The following PARP8 variants were observed in gnomAD, a reference collection of about 807,000 sequenced individuals.
PARP8 encodes protein mono-ADP-ribosyltransferase PARP8.
In PARP8, 51 loss-of-function variants were observed where a neutral mutation model predicts 124.1. The ratio of observed to expected loss-of-function variants is 0.41; its 90% CI spans 0.33 to 0.52. The LOEUF is 0.52. Ranked by LOEUF, PARP8 falls within the 20% of genes least tolerant of loss-of-function variation. PARP8 has a pLI of 0.21. For missense variants in PARP8, 860 were observed against 1,018.9 expected, an observed-to-expected ratio of 0.84 and a Z score of 2.12; for synonymous variants, 391 against 361.5, an observed-to-expected ratio of 1.08 and a Z score of -0.93.
At chr5:50,687,310 A>G (rs1168324488) in intron 2 of PARP8, among the ~76,000 whole-genome samples, 1 of 152,170 alleles carries the variant, frequency 6.6e-6, no homozygotes, top group Non-Finnish European at 1.5e-5. Flanking sequence ...CCAGTCCCCA[A>G]CAAGTTTCTC....
chr5:50,691,419 G>A (rs1259170395), intron 2 of PARP8, among the ~76,000 whole-genome samples: 1 of 152,172 alleles, frequency 6.6e-6, no homozygotes, highest in African/African-American at 2.4e-5. Context: ...CCTTTTGGAA[G>A]TGCGCTCCTC....
chr5:50,844,654 C>A lies in PARP8; in HGVS notation c.*2586C>A, dbSNP rs1297631365. ...GTAATGGTTTTATTAATTGTGTAGC[C>A]ATTGCTACTTAGATAGTAACCCACT... On this transcript the variant is annotated 3_prime_UTR_variant, in exon 26 of 26. Transcript: ENST00000281631. 1 of 151,682 alleles carries A rather than the reference C, an allele frequency of 6.6e-6. No individual in the cohort carries two copies. Among genetic ancestry groups the A allele is most frequent in the African/African-American group, 2.4e-5 (1 of 41,330 alleles). 9.4% of individuals were successfully genotyped at this position (151,682 alleles called of 1,614,324 possible). A position where few individuals can be genotyped will look rare whatever the true frequency, so the allele number is the denominator to read the frequency against.
chr5:50,807,841 C>A (rs929006345), intron 14 of PARP8, among the ~76,000 whole-genome samples: 1 of 152,058 alleles, frequency 6.6e-6, no homozygotes, highest in African/African-American at 2.4e-5. Flanking sequence ...TGATCTCATT[C>A]TCTTCTCCTG....
intron 25 of PARP8, among the ~76,000 whole-genome samples, chr5:50,840,811 G>A (rs76405475): frequency 0.042 from 6,380 of 151,950 alleles, 428 homozygotes; most frequent in African/African-American, 0.15. Flanking sequence ...TAATTGGGCT[G>A]TGTACCACAT....
intron 2 of PARP8, among the ~76,000 whole-genome samples, chr5:50,715,498 A>G (rs531095018): frequency 2.0e-5 from 3 of 147,508 alleles, no homozygotes; most frequent in African/African-American, 8.1e-5. Flanking sequence ...GTGTCATGGT[A>G]TTCATGAGGA....
intron 2 of PARP8, among the ~76,000 whole-genome samples, chr5:50,705,912 G>A (rs192552254): frequency 2.0e-5 from 3 of 152,212 alleles, no homozygotes; most frequent in African/African-American, 7.2e-5. Context: ...CCATATGGAG[G>A]GTCAGTTAGA....
At chr5:50,685,902 A>G (rs1472651816) in intron 2 of PARP8, among the ~76,000 whole-genome samples, 3 of 152,168 alleles carry the variant, frequency 2.0e-5, no homozygotes, top group African/African-American at 7.2e-5. Context: ...CCATGATTCA[A>G]TTACTTCCCA....
intron 3 of PARP8, among the ~76,000 whole-genome samples, chr5:50,754,286 A>G (rs1759657086): frequency 6.6e-6 from 1 of 150,442 alleles, no homozygotes; most frequent in Admixed American, 6.6e-5. Context: ...GCACCCATTA[A>G]CTCATCATTT....
intron 17 of PARP8, among the ~76,000 whole-genome samples, chr5:50,823,112 G>C (rs1745952029): frequency 6.6e-6 from 1 of 152,192 alleles, no homozygotes; most frequent in Non-Finnish European, 1.5e-5. Flanking sequence ...GTGGTTTCAA[G>C]GATTGCACTG....
intron 9 of PARP8, 70 bp downstream of exon 9, chr5:50,778,720 G>A (rs540511054): frequency 1.3e-4 from 122 of 934,760 alleles, no homozygotes; most frequent in South Asian, 2.4e-4. Context: ...AGCAAAATGC[G>A]TGTTCATTTG....
chr5:50,696,069 A>G (rs1579989326), intron 2 of PARP8, among the ~76,000 whole-genome samples: 1 of 152,174 alleles, frequency 6.6e-6, no homozygotes, highest in Non-Finnish European at 1.5e-5. Flanking sequence ...GAGAGTAAAG[A>G]TTTTGCTTTT....
At chr5:50,719,707 A>G (rs1350924716) in intron 2 of PARP8, among the ~76,000 whole-genome samples, 1 of 152,034 alleles carries the variant, frequency 6.6e-6, no homozygotes, top group Non-Finnish European at 1.5e-5. Context: ...CCTGTGTTGT[A>G]GATTTTAAGA....
rs1282373409 is a variant in PARP8, at chr5:50,686,796, A to G, written c.146+18671A>G. On this transcript the variant is annotated intron_variant, in intron 2 of 25. Transcript: ENST00000281631. ...ACCCTCTGAAGCAACAGCCTGAGCT[A>G]TACCTTGGGTCCTTTCAGTCAGGGT... 2.0e-5 allele frequency among the ~76,000 whole-genome samples: 3 copies of G among 152,180 alleles called. No homozygotes were observed. The East Asian group carries it at 5.8e-4, about 29-fold the overall frequency.
chr5:50,788,372 C>T, intron 9 of PARP8, 151 bp from the exon 10 acceptor site: 1 of 550,986 alleles, frequency 1.8e-6, no homozygotes, highest in South Asian at 2.6e-5. Context: ...GTGCATATAG[C>T]ATAAATAGCA....
At chr5:50,699,060 A>G (rs1462680478) in intron 2 of PARP8, among the ~76,000 whole-genome samples, 2 of 152,190 alleles carry the variant, frequency 1.3e-5, no homozygotes, top group Non-Finnish European at 2.9e-5. Flanking sequence ...CAGTGGTGTC[A>G]TTGGGTTTTG....
At chr5:50,700,094 A>G (rs1475586853) in intron 2 of PARP8, among the ~76,000 whole-genome samples, 1 of 152,174 alleles carries the variant, frequency 6.6e-6, no homozygotes, top group Non-Finnish European at 1.5e-5. Flanking sequence ...TTGATGGTTC[A>G]CTTGTTCAAG....
intron 1 of PARP8, 71 bp from the exon 2 acceptor site, chr5:50,668,000 G>T: frequency 6.2e-7 from 1 of 1,609,382 alleles, no homozygotes. Flanking sequence ...CCGAATGTGG[G>T]GCTCAAGTCC....
At position 50,815,441 on chromosome 5, in the gene PARP8, T is replaced by C; in HGVS notation, c.1585T>C (p.Cys529Arg). The C allele has an allele frequency of 1.3e-6, 2 of 1,583,894 alleles. No individual in the cohort carries two copies. The highest frequency in any genetic ancestry group is 1.7e-6 in the Non-Finnish European group (2 of 1,168,114). ...QNGPMLRPTVCERELCVFAFQ... is the reference protein window; with the variant it reads ...QNGPMLRPTVRERELCVFAFQ... ...CCTTTTTCTTTTGTAGCCTACCGTATGTGAACGGGAGCTGTGTGTGTTTGC... is the reference window on the plus strand; with the variant it reads ...CCTTTTTCTTTTGTAGCCTACCGTACGTGAACGGGAGCTGTGTGTGTTTGC... The change falls in exon 15 of 26, where the codon TGT becomes CGT. Residue 529 changes from cysteine to arginine, a missense_variant. Physicochemically the swap from Cys to Arg is radical, Grantham distance 180. Transcript: ENST00000281631.
chr5:50,816,462 G>A (rs1333925166), intron 15 of PARP8, among the ~76,000 whole-genome samples: 5 of 152,080 alleles, frequency 3.3e-5, no homozygotes, highest in African/African-American at 1.2e-4. Flanking sequence ...GGCTTATGAA[G>A]GCACAACAGT....
Sources: allele counts gnomAD v4.1 joint callset (sites outside exome capture counted in the v4.1 genomes callset), GRCh38; gene constraint gnomAD v4.1.1; transcripts MANE v1.5; gene names NCBI Gene and HGNC (gene_info 2026-07-23, HGNC 2026-07-21).